The following PCNT variants were observed in gnomAD, a reference collection of about 807,000 sequenced individuals.
The protein encoded by PCNT is kendrin.
Under a neutral mutation model 380.4 loss-of-function variants are expected in PCNT, and 319 were observed. The observed-to-expected ratio is 0.84, with a 90% CI of 0.77 to 0.92. The LOEUF (loss-of-function observed/expected upper bound fraction) is 0.92. Ranked by LOEUF, PCNT falls within the 40% of genes least tolerant of loss-of-function variation. PCNT has a pLI of 0.00. For synonymous variants in PCNT, 1,845 were observed against 1,735.2 expected, an observed-to-expected ratio of 1.06 and a Z score of -1.57; for missense variants, 4,400 against 4,255.3, an observed-to-expected ratio of 1.03 and a Z score of -0.95.
intron 2 of PCNT, among the ~76,000 whole-genome samples, chr21:46,330,173 A>C (rs1409193267): frequency 6.6e-6 from 1 of 151,962 alleles, no homozygotes; most frequent in Non-Finnish European, 1.5e-5. Flanking sequence ...GCTGGAGTGC[A>C]GTGGCGCAAT....
rs141582787 is a variant in PCNT at position 46,355,518 on chromosome 21, T to C, written c.1828T>C (p.Ser610Pro). The stretch of plus-strand genomic sequence containing the variant: ...CAGGCACCAGCTGGAAGCGCTGGAG[T>C]CTCCCCTCTGCATCCAGCACGAGGG... Reference protein sequence around the residue: ...SHRHQLEALESPLCIQHEGHV... With the variant: ...SHRHQLEALEPPLCIQHEGHV... Residue 610 changes from serine to proline, a missense_variant, in exon 12 of 47, where the codon TCT (serine) becomes CCT (proline). Transcript: ENST00000359568. 1.2e-5 allele frequency: 20 copies of C among 1,613,696 alleles called. No individual in the cohort carries two copies. In the African/African-American group the frequency reaches 2.4e-4, roughly 19 times the overall value.
Position 46,387,369 on chromosome 21 carries a change from A to T in PCNT, c.3465-1373A>T, listed in dbSNP as rs2085874467. Among the ~76,000 whole-genome samples, 4 of 151,988 alleles carry T rather than the reference A, an allele frequency of 2.6e-5. No homozygotes were observed. The South Asian group carries it at 8.3e-4, about 32-fold the overall frequency. On this transcript the variant is annotated intron_variant, in intron 17 of 46. Coordinates refer to ENST00000359568, the MANE Select transcript of PCNT (RefSeq NM_006031.6). ...TCACCCAGGTCAGTGGGCGAGCGAGAGCTCTAAACCGAGGGGCACAGCGGC... is the reference window on the plus strand; with the variant it reads ...TCACCCAGGTCAGTGGGCGAGCGAGTGCTCTAAACCGAGGGGCACAGCGGC...
chr21:46,401,120 G>C (rs1392529895), intron 25 of PCNT, among the ~76,000 whole-genome samples: 1 of 152,226 alleles, frequency 6.6e-6, no homozygotes, highest in Non-Finnish European at 1.5e-5. Flanking sequence ...TATATGTCAT[G>C]CTCTTGCGCA....
chr21:46,392,465 C>T (rs376908105), intron 21 of PCNT, among the ~76,000 whole-genome samples: 2 of 152,356 alleles, frequency 1.3e-5, no homozygotes, highest in South Asian at 4.1e-4. Context: ...AAGTGATCTG[C>T]CTGCCTCGGC....
chr21:46,371,918 A>G (rs1290390226), intron 15 of PCNT, among the ~76,000 whole-genome samples: 1 of 150,694 alleles, frequency 6.6e-6, no homozygotes, highest in African/African-American at 2.4e-5. Flanking sequence ...ATGTGCGCAC[A>G]CAGCACATGC....
chr21:46,337,877 C>T (rs1355878944), intron 3 of PCNT, among the ~76,000 whole-genome samples: 8 of 151,864 alleles, frequency 5.3e-5, no homozygotes, highest in Non-Finnish European at 8.8e-5. Flanking sequence ...AGCCACCGCG[C>T]AGACTGTTTT....
intron 1 of PCNT, among the ~76,000 whole-genome samples, 187 bp downstream of exon 1, chr21:46,324,469 T>TC (rs1313667258): frequency 1.3e-5 from 2 of 150,566 alleles, no homozygotes; most frequent in African/African-American, 4.9e-5. Context: ...TCCGCCGCTC[T>TC]CCGCCAGGTC....
At chr21:46,377,186 T>G (rs920045556) in intron 15 of PCNT, among the ~76,000 whole-genome samples, 1 of 152,208 alleles carries the variant, frequency 6.6e-6, no homozygotes, top group Non-Finnish European at 1.5e-5. Context: ...ACTCACTCAT[T>G]GTTGACGTCT....
intron 46 of PCNT, among the ~76,000 whole-genome samples, 184 bp from the exon 47 acceptor site, chr21:46,445,100 A>G (rs1377319154): frequency 6.6e-6 from 1 of 152,214 alleles, no homozygotes; most frequent in Non-Finnish European, 1.5e-5. Context: ...TAAAGATTAT[A>G]TTTCGACCAG....
At chr21:46,386,325 G>A (rs952389641) in intron 17 of PCNT, among the ~76,000 whole-genome samples, 1 of 152,196 alleles carries the variant, frequency 6.6e-6, no homozygotes, top group Non-Finnish European at 1.5e-5. Flanking sequence ...GCGTGTCCTC[G>A]TCCCCGGCAC....
intron 17 of PCNT, among the ~76,000 whole-genome samples, chr21:46,387,998 C>G (rs375175638): frequency 8.6e-5 from 13 of 152,014 alleles, no homozygotes; most frequent in African/African-American, 3.1e-4. Context: ...ATCATGAGGT[C>G]AGGAGATCGA....
At chr21:46,386,620 G>C (rs1471546009) in intron 17 of PCNT, among the ~76,000 whole-genome samples, 2 of 152,230 alleles carry the variant, frequency 1.3e-5, no homozygotes, top group Non-Finnish European at 2.9e-5. Context: ...TCCTGCCTTG[G>C]TGCCTCCTCA....
chr21:46,346,115 C>CT lies in PCNT; in HGVS notation c.640-7dup. ...TGAATTCTGGACCTACATTCTTTGC[C>CT]TTTTTTCCCCAGGAGTGTGAACAAG... is the stretch of plus-strand genomic sequence containing the variant. On this transcript the variant is annotated splice_polypyrimidine_tract_variant and intron_variant, in intron 3 of 46. Coordinates refer to ENST00000359568, the MANE Select transcript of PCNT (RefSeq NM_006031.6). 6.2e-7 allele frequency: 1 copy of CT among 1,613,540 alleles called. No homozygotes were observed. Among genetic ancestry groups the CT allele is most frequent in the Non-Finnish European group, 8.5e-7 (1 of 1,179,506 alleles).
rs780220706 is a variant in PCNT at position 46,430,132 on chromosome 21, G to C, written c.7813G>C (p.Val2605Leu). The C allele has an allele frequency of 6.2e-7, 1 of 1,614,128 alleles. No individual in the cohort carries two copies. The highest frequency in any genetic ancestry group is 1.3e-5 in the African/African-American group (1 of 74,952). Reference sequence around the variant, plus strand: ...GAAGCTCCTGGCGGCGGAGCAGACTGTAGTGCGAGATTTGAAGTCCGACCT... The same window carrying C: ...GAAGCTCCTGGCGGCGGAGCAGACTCTAGTGCGAGATTTGAAGTCCGACCT... ...VQKLLAAEQTVVRDLKSDLCE... is the reference protein window; with the variant it reads ...VQKLLAAEQTLVRDLKSDLCE... The change falls in exon 36 of 47, where the codon GTA becomes CTA. Residue 2605 changes from valine (V) to leucine (L), a missense_variant. Physicochemically the swap from Val to Leu is conservative, Grantham distance 32 (BLOSUM62 1). Coordinates refer to ENST00000359568, the MANE Select transcript of PCNT (RefSeq NM_006031.6).
intron 3 of PCNT, among the ~76,000 whole-genome samples, chr21:46,337,603 A>T (rs986678407): frequency 6.6e-6 from 1 of 151,736 alleles, no homozygotes; most frequent in Non-Finnish European, 1.5e-5. Flanking sequence ...GTTTTTTGAG[A>T]TGGAGTTTCG....
At chr21:46,426,027 AT>A (rs2087481491) in intron 33 of PCNT, 56 bp downstream of exon 33, 42 of 1,544,178 alleles carry the variant, frequency 2.7e-5, no homozygotes, top group Non-Finnish European at 3.6e-5. Flanking sequence ...GCTTGTGGTA[AT>A]GGCCGCGTCC....
chr21:46,426,083 T>C lies in PCNT; in HGVS notation c.7320+112T>C, dbSNP rs933204677. 9.5e-5 allele frequency: 102 copies of C among 1,076,806 alleles called. 1 individual carries two copies. The highest frequency in any genetic ancestry group is 7.0e-4 in the African/African-American group (18 of 25,764). The allele number at this position is 1,076,806 out of a possible 1,614,324, so 66.7% of individuals were successfully genotyped here. On this transcript the variant is annotated intron_variant, in intron 33 of 46. Transcript: ENST00000359568. ...AGGATTTCTTTCTTTTTTTTTTTTTTTTTTTTTTTTTTTGAGACTCGGCTC... is the reference window on the plus strand; with the variant it reads ...AGGATTTCTTTCTTTTTTTTTTTTTCTTTTTTTTTTTTTGAGACTCGGCTC...
In PCNT at chr21:46,416,111, G is replaced by T. The variant is rs780368347; in HGVS notation, c.6193G>T (p.Asp2065Tyr). Residue 2065 changes from aspartate (D) to tyrosine (Y), a missense_variant, in exon 30 of 47, where the codon GAT (aspartate) becomes TAT (tyrosine). Physicochemically the swap from Asp to Tyr is radical, Grantham distance 160. Transcript: ENST00000359568. The stretch of plus-strand genomic sequence containing the variant: ...GGAAGATTGTCAGCTGCCGAAGGTC[G>T]ATCTCGTAGCTCAGGTGAAACAGCT... Reference protein sequence around the residue: ...VLEDCQLPKVDLVAQVKQLQE... With the variant: ...VLEDCQLPKVYLVAQVKQLQE... 3 of 1,614,036 alleles carry T rather than the reference G, an allele frequency of 1.9e-6. No homozygotes were observed. Among genetic ancestry groups the T allele is most frequent in the East Asian group, 4.5e-5 (2 of 44,888 alleles).
intron 25 of PCNT, 50 bp downstream of exon 25, chr21:46,399,846 G>C: frequency 6.7e-7 from 1 of 1,499,774 alleles, no homozygotes; most frequent in Non-Finnish European, 9.3e-7. Flanking sequence ...TGTCCCGCAG[G>C]CATGGCTTCA....
Sources: allele counts gnomAD v4.1 joint callset (sites outside exome capture counted in the v4.1 genomes callset), GRCh38; gene constraint gnomAD v4.1.1; transcripts MANE v1.5; gene names NCBI Gene and HGNC (gene_info 2026-07-23, HGNC 2026-07-21).